BOLL: variants seen among roughly 807,000 people sequenced by gnomAD.
The protein encoded by BOLL is boule RNA binding protein.
A neutral mutation model predicts 44.4 loss-of-function variants in BOLL; 23 were observed. The observed-to-expected ratio is 0.52, with a 90% CI of 0.37 to 0.73. The LOEUF is 0.73. Among genes scored for constraint, BOLL ranks in the 30% least tolerant of loss-of-function variants. The pLI, the probability that BOLL is intolerant of heterozygous loss-of-function variation, is 0.00. For missense variants in BOLL, 287 were observed against 338.3 expected (o/e 0.85, Z 1.19); for synonymous variants, 97 against 110.8 (o/e 0.88, Z 0.78).
At position 197,777,086 on chromosome 2, in the gene BOLL, TTG is replaced by T. The variant is rs1558997173; in HGVS notation, c.247_248del (p.Gln83ArgfsTer11). On this transcript the variant is annotated frameshift_variant, in exon 4 of 11. Transcript: ENST00000392296. LOFTEE classifies it high-confidence loss of function. ...CTTGTAAAATTTTTTGTGCATCTTCTTGTGTTTCAAAAGTGACGAAACCATAC... is the reference window on the plus strand; with the variant it reads ...CTTGTAAAATTTTTTGTGCATCTTCTTGTTTCAAAAGTGACGAAACCATAC... ...KGYGFVTFET[Q>X]EDAQKILQEA... 3 of 1,574,562 alleles carry T rather than the reference TTG, an allele frequency of 1.9e-6. No individual in the cohort carries two copies. The highest frequency in any genetic ancestry group is 2.6e-6 in the Non-Finnish European group (3 of 1,153,610).
At chr2:197,742,857 A>T (rs928274715) in intron 10 of BOLL, among the ~76,000 whole-genome samples, 16 of 152,244 alleles carry the variant, frequency 1.1e-4, no homozygotes, top group African/African-American at 3.6e-4. Context: ...GAAAATTTTT[A>T]AGTTGCATAT....
chr2:197,785,953 G>A, upstream of BOLL: 1 of 1,560,508 alleles, frequency 6.4e-7, no homozygotes, highest in Non-Finnish European at 8.8e-7. The surrounding 1 kb of genome is among the most constrained non-coding windows in gnomAD (Gnocchi z 6.7). Context: ...CCGCTATCCC[G>A]CGCCCTGGGG....
intron 6 of BOLL, among the ~76,000 whole-genome samples, chr2:197,768,012 A>G (rs1157532062): frequency 6.6e-6 from 1 of 152,030 alleles, no homozygotes; most frequent in Non-Finnish European, 1.5e-5. Flanking sequence ...ACTGAATCAT[A>G]AATAATTGTG....
chr2:197,754,788 A>AC, intron 9 of BOLL, among the ~76,000 whole-genome samples: 1 of 148,566 alleles, frequency 6.7e-6, no homozygotes, highest in African/African-American at 2.5e-5. Context: ...CACACACACA[A>AC]ACCATAGAAG....
chr2:197,745,495 A>C (rs773906059), intron 9 of BOLL, among the ~76,000 whole-genome samples: 4 of 152,210 alleles, frequency 2.6e-5, no homozygotes, highest in Non-Finnish European at 5.9e-5. Flanking sequence ...AGATTCCATT[A>C]AATAGTGCAT....
At chr2:197,758,924 C>T (rs923794041) in intron 7 of BOLL, 1 of 1,531,660 alleles carries the variant, frequency 6.5e-7, no homozygotes. Flanking sequence ...AAATGTTAGC[C>T]AGGGGAGCAA....
rs770636017 is a variant in BOLL, at chr2:197,779,096, G to C, written c.130-30C>G. The C allele has an allele frequency of 8.7e-6, 13 of 1,495,292 alleles. No homozygotes were observed. The Admixed American group carries it at 1.9e-4, about 22-fold the overall frequency. The allele number at this position is 1,495,292 out of a possible 1,614,324, so 92.6% of individuals were successfully genotyped here. ...TGGCATAAAAAGAAAACGTTAAAAAGCATTTTTAGTTGATAAAAGATGAAT... is the reference window on the plus strand; with the variant it reads ...TGGCATAAAAAGAAAACGTTAAAAACCATTTTTAGTTGATAAAAGATGAAT... On this transcript the variant is annotated intron_variant, in intron 2 of 10. Coordinates refer to ENST00000392296, the MANE Select transcript of BOLL (RefSeq NM_033030.6).
In BOLL at chr2:197,743,097, A is replaced by G; in HGVS notation, c.792T>C (p.Thr264=). Residue 264 remains threonine, a synonymous_variant, in exon 10 of 11, where the codon ACT becomes ACC. Coordinates refer to ENST00000392296, the MANE Select transcript of BOLL (RefSeq NM_033030.6). ...CAGGCTGCATCACAGGCGCAGGCAT[A>G]GTGATGGCACTTGGAGCATAAACCT... ...YHQVYAPSAI[T]MPAPVMQPEP... is the part of the protein sequence containing the mutation. 6.2e-7 allele frequency: 1 copy of G among 1,606,018 alleles called. No homozygotes were observed. The highest frequency in any genetic ancestry group is 1.7e-5 in the Admixed American group (1 of 58,356).
At chr2:197,773,158 T>C (rs567248849) in intron 5 of BOLL, among the ~76,000 whole-genome samples, 1 of 151,862 alleles carries the variant, frequency 6.6e-6, no homozygotes, top group Non-Finnish European at 1.5e-5. Context: ...TCCTCAGATA[T>C]ATATACAGTC....
chr2:197,751,087 C>A (rs1434762740), intron 9 of BOLL, among the ~76,000 whole-genome samples: 3 of 152,132 alleles, frequency 2.0e-5, no homozygotes, highest in African/African-American at 7.2e-5. Context: ...TAAATAGGTT[C>A]TTTGAAACCA....
chr2:197,785,056 C>G lies in BOLL; in HGVS notation c.-16G>C, dbSNP rs1005924321. On this transcript the variant is annotated splice_region_variant and 5_prime_UTR_variant, in exon 1 of 11. Transcript: ENST00000392296. This position sits in a 1 kb window ranked among gnomAD's most constrained non-coding sequence, Gnocchi z 6.7. ...AGACAGCAGGAACGGGCGGGCTAACCGTCGCAGTCACTGCCTCGGCGCTCC... is the reference window on the plus strand; with the variant it reads ...AGACAGCAGGAACGGGCGGGCTAACGGTCGCAGTCACTGCCTCGGCGCTCC... The G allele has an allele frequency of 1.2e-5, 12 of 985,896 alleles. No individual in the cohort carries two copies. Among genetic ancestry groups the G allele is most frequent in the Non-Finnish European group, 1.4e-5 (12 of 829,960 alleles). The allele number at this position is 985,896 out of a possible 1,614,324, so 61.1% of individuals were successfully genotyped here.
In BOLL at chr2:197,777,042, A is replaced by G; in HGVS notation, c.276+17T>C. ...AAAATTTCCAGAAATGAAGTTAAAT[A>G]CACCAAAAGATCATACCTCTTGTAA... On this transcript the variant is annotated intron_variant, in intron 4 of 10. Transcript: ENST00000392296. 1 of 1,543,362 alleles carries G rather than the reference A, an allele frequency of 6.5e-7. No homozygotes were observed.
chr2:197,785,772 C>T (rs1690047102), upstream of BOLL, among the ~76,000 whole-genome samples: 1 of 152,198 alleles, frequency 6.6e-6, no homozygotes, highest in African/African-American at 2.4e-5. The surrounding 1 kb of genome is among the most constrained non-coding windows in gnomAD (Gnocchi z 6.7). Flanking sequence ...CCCGTGGCGG[C>T]GCCTTTCTGA....
intron 10 of BOLL, 147 bp from the exon 11 acceptor site, chr2:197,728,725 G>C: frequency 1.8e-6 from 1 of 557,266 alleles, no homozygotes; most frequent in Non-Finnish European, 3.0e-6. Flanking sequence ...TACAAAGTGA[G>C]AGGCTAGCAA....
At chr2:197,767,680 G>A (rs1689055766) in intron 6 of BOLL, among the ~76,000 whole-genome samples, 1 of 151,810 alleles carries the variant, frequency 6.6e-6, no homozygotes, top group Non-Finnish European at 1.5e-5. Context: ...ATAACTATGG[G>A]GAGCCTAGGG....
At position 197,781,879 on chromosome 2, in the gene BOLL, T is replaced by C; in HGVS notation, c.-15-14A>G. On this transcript the variant is annotated splice_polypyrimidine_tract_variant and intron_variant, in intron 1 of 10. Coordinates refer to ENST00000392296, the MANE Select transcript of BOLL (RefSeq NM_033030.6). ...GTTTGATGTTTGCTGTAAAATAAAATTCTTTTACACTTTTTGCACTGGGTA... is the reference window on the plus strand; with the variant it reads ...GTTTGATGTTTGCTGTAAAATAAAACTCTTTTACACTTTTTGCACTGGGTA... 6.3e-7 allele frequency: 1 copy of C among 1,577,198 alleles called. No individual in the cohort carries two copies. Among genetic ancestry groups the C allele is most frequent in the Non-Finnish European group, 8.7e-7 (1 of 1,155,020 alleles).
chr2:197,731,907 A>G (rs1687201691), intron 10 of BOLL, among the ~76,000 whole-genome samples: 1 of 151,130 alleles, frequency 6.6e-6, no homozygotes, highest in African/African-American at 2.5e-5. Context: ...TAAAAGAACT[A>G]GAAAAGCAAG....
chr2:197,781,817 G>T lies in BOLL; in HGVS notation c.34C>A (p.Pro12Thr), dbSNP rs761048419. ...TTATTCAAAGGCACAGGTGACACAG[G>T]ATTAGGGGATGGAGATAATGAATCT... is the stretch of plus-strand genomic sequence containing the variant. Reference protein sequence around the residue: ...QTDSLSPSPNPVSPVPLNNPT... With the variant: ...QTDSLSPSPNTVSPVPLNNPT... Residue 12 changes from proline (P) to threonine (T), a missense_variant, in exon 2 of 11, where the codon CCT becomes ACT. By Grantham distance (38) the Pro-to-Thr change is conservative (BLOSUM62 -1). Coordinates refer to ENST00000392296, the MANE Select transcript of BOLL (RefSeq NM_033030.6). The T allele has an allele frequency of 6.2e-7, 1 of 1,606,508 alleles. No individual in the cohort carries two copies. The highest frequency in any genetic ancestry group is 8.5e-7 in the Non-Finnish European group (1 of 1,174,774).
intron 9 of BOLL, 123 bp downstream of exon 9, chr2:197,756,305 A>C: frequency 1.0e-6 from 1 of 964,896 alleles, no homozygotes; most frequent in Non-Finnish European, 1.4e-6. Context: ...AGATTTGAAT[A>C]AATCAACAAA....
Sources: allele counts gnomAD v4.1 joint callset (sites outside exome capture counted in the v4.1 genomes callset), GRCh38; gene constraint gnomAD v4.1.1; non-coding constraint Gnocchi (gnomAD v3.1); transcripts MANE v1.5; gene names NCBI Gene and HGNC (gene_info 2026-07-23, HGNC 2026-07-21).